CALN1: variants seen among roughly 807,000 people sequenced by gnomAD.
The protein encoded by CALN1 is calcium-binding protein 8.
Under a neutral mutation model 30.6 loss-of-function variants are expected in CALN1, and 17 were observed. The observed-to-expected ratio is 0.56, with a 90% CI of 0.38 to 0.83. The LOEUF is 0.83. Among genes scored for constraint, CALN1 ranks in the 40% least tolerant of loss-of-function variants. The pLI is 0.00. For missense variants in CALN1, 291 were observed against 354.9 expected (o/e 0.82, Z 1.45); for synonymous variants, 156 against 131.4 (o/e 1.19, Z -1.28).
At chr7:71,885,155 T>C (rs115454838) in intron 5 of CALN1, among the ~76,000 whole-genome samples, 19,115 of 152,204 alleles carry the variant, frequency 0.13, 1,778 homozygotes, top group East Asian at 0.43. Flanking sequence ...ATGTTATTTC[T>C]TTTTTCTTTT....
intron 2 of CALN1, among the ~76,000 whole-genome samples, chr7:72,284,180 T>C (rs1797917805): frequency 6.6e-6 from 1 of 152,076 alleles, no homozygotes; most frequent in Non-Finnish European, 1.5e-5. Flanking sequence ...CTGTAGTCCC[T>C]GCTACTCAGG....
At chr7:71,927,538 T>C (rs1795330768) in intron 5 of CALN1, among the ~76,000 whole-genome samples, 1 of 152,178 alleles carries the variant, frequency 6.6e-6, no homozygotes, top group Admixed American at 6.5e-5. Context: ...ATCTAGTTCT[T>C]TGGATGGGGT....
chr7:72,206,203 A>G (rs911960143), intron 3 of CALN1, among the ~76,000 whole-genome samples: 1 of 152,222 alleles, frequency 6.6e-6, no homozygotes, highest in Non-Finnish European at 1.5e-5. Context: ...AAAAATGTTC[A>G]GTAGGAATTT....
intron 5 of CALN1, among the ~76,000 whole-genome samples, chr7:71,990,579 A>G (rs1416884267): frequency 1.3e-5 from 2 of 151,650 alleles, no homozygotes; most frequent in African/African-American, 4.8e-5. Context: ...CAGCCTCCTC[A>G]GTAACTGTGA....
At chr7:72,333,267 T>TC (rs1801793991) in intron 2 of CALN1, among the ~76,000 whole-genome samples, 1 of 152,210 alleles carries the variant, frequency 6.6e-6, no homozygotes, top group African/African-American at 2.4e-5. Flanking sequence ...TGGTCTGGCC[T>TC]CCCCACTAAT....
intron 5 of CALN1, among the ~76,000 whole-genome samples, chr7:71,814,354 G>C (rs1008163468): frequency 2.6e-5 from 4 of 152,160 alleles, no homozygotes; most frequent in African/African-American, 9.7e-5. Context: ...TCCATACCAA[G>C]AAGAGCCACA....
chr7:72,346,381 C>G (rs552204352), intron 2 of CALN1, among the ~76,000 whole-genome samples: 1 of 152,152 alleles, frequency 6.6e-6, no homozygotes, highest in African/African-American at 2.4e-5. Context: ...TATTTATTTT[C>G]TTTTCTGATT....
intron 2 of CALN1, among the ~76,000 whole-genome samples, chr7:72,378,181 C>T (rs1804678476): frequency 6.6e-6 from 1 of 152,058 alleles, no homozygotes; most frequent in Admixed American, 6.5e-5. Context: ...GCCTTTTGAG[C>T]TATTTTTTTC....
In CALN1 at chr7:71,921,656, A is replaced by G. The variant is rs184151884; in HGVS notation, c.501+102001T>C. Among the ~76,000 whole-genome samples, 20 of 152,310 alleles carry G rather than the reference A, an allele frequency of 1.3e-4. No individual in the cohort carries two copies. The East Asian group carries it at 3.3e-3, about 25-fold the overall frequency. On this transcript the variant is annotated intron_variant, in intron 5 of 6. Coordinates refer to ENST00000395275, the MANE Select transcript of CALN1 (RefSeq NM_031468.4). ...GAAAAATAAACTATGTAAAAAAGAA[A>G]TATCTACCACGTTAGGATTAAAATT...
chr7:72,048,482 G>C (rs1357862895), intron 4 of CALN1, among the ~76,000 whole-genome samples: 1 of 152,166 alleles, frequency 6.6e-6, no homozygotes. Context: ...GGGAAGGGCA[G>C]AAAGAGAAGC....
At chr7:72,085,781 C>T (rs1442561141) in intron 4 of CALN1, among the ~76,000 whole-genome samples, 3 of 152,178 alleles carry the variant, frequency 2.0e-5, no homozygotes, top group East Asian at 1.9e-4. Context: ...TTATGTCTCA[C>T]TTAAAAAGTA....
At chr7:72,470,808 A>G in the CALN1 span, among the ~76,000 whole-genome samples, 1 of 152,226 alleles carries the variant, frequency 6.6e-6, no homozygotes, top group East Asian at 1.9e-4. Flanking sequence ...ATCCAGAATT[A>G]GTATATTTCA....
the CALN1 span, among the ~76,000 whole-genome samples, chr7:72,495,469 G>A: frequency 6.6e-6 from 1 of 152,202 alleles, no homozygotes; most frequent in African/African-American, 2.4e-5. Flanking sequence ...CTAGCTGCTA[G>A]GGACATTGCA....
At chr7:72,237,483 G>A (rs948214267) in intron 3 of CALN1, among the ~76,000 whole-genome samples, 4 of 152,318 alleles carry the variant, frequency 2.6e-5, no homozygotes, top group Admixed American at 6.5e-5. Flanking sequence ...ACTGAGCAGA[G>A]GACTAGAGAG....
rs373219373 is a variant in CALN1 at position 71,797,332 on chromosome 7, A to C, written c.659-9430T>G. 5.9e-5 allele frequency among the ~76,000 whole-genome samples: 9 copies of C among 152,188 alleles called. No homozygotes were observed. The East Asian group carries it at 1.5e-3, about 26-fold the overall frequency. On this transcript the variant is annotated intron_variant, in intron 6 of 6. Coordinates refer to ENST00000395275, the MANE Select transcript of CALN1 (RefSeq NM_031468.4). Reference sequence around the variant, plus strand: ...GATTCTTAGGATAACCAGAGCCACCAGGTCTGGGAGCTATTTTTGCTCTTT... The same window carrying C: ...GATTCTTAGGATAACCAGAGCCACCCGGTCTGGGAGCTATTTTTGCTCTTT...
chr7:72,310,155 CTAGTAGATTGGT>C (rs1426729438), intron 2 of CALN1, among the ~76,000 whole-genome samples: 1 of 151,810 alleles, frequency 6.6e-6, no homozygotes, highest in Non-Finnish European at 1.5e-5. Context: ...GAGAGGCAGC[CTAGTAGATTGGT>C]CTGGTTTTCA....
At chr7:72,309,753 C>A (rs1195740203) in intron 2 of CALN1, among the ~76,000 whole-genome samples, 2 of 152,212 alleles carry the variant, frequency 1.3e-5, no homozygotes, top group African/African-American at 4.8e-5. Context: ...CCACATTCTG[C>A]TCCAAGCCAA....
intron 2 of CALN1, among the ~76,000 whole-genome samples, chr7:72,371,778 G>C (rs1804256719): frequency 6.7e-6 from 1 of 150,292 alleles, no homozygotes; most frequent in Non-Finnish European, 1.5e-5. Flanking sequence ...CCACTGAATT[G>C]CCTTTGCATC....
intron 5 of CALN1, among the ~76,000 whole-genome samples, chr7:71,953,801 T>G (rs1796818862): frequency 6.6e-6 from 1 of 151,894 alleles, no homozygotes; most frequent in Non-Finnish European, 1.5e-5. Context: ...GATGCTCTGA[T>G]GGGGCTGGGC....
Sources: allele counts gnomAD v4.1 joint callset (sites outside exome capture counted in the v4.1 genomes callset), GRCh38; gene constraint gnomAD v4.1.1; transcripts MANE v1.5; gene names NCBI Gene and HGNC (gene_info 2026-07-23, HGNC 2026-07-21).